ANKRD11: variants seen among roughly 807,000 people sequenced by gnomAD.
ANKRD11 encodes ankyrin repeat domain 11.
ANKRD11 carries 17 observed loss-of-function variants against 195.7 expected under a neutral mutation model. The observed-to-expected ratio is 0.09, with a 90% CI of 0.06 to 0.13. The LOEUF (loss-of-function observed/expected upper bound fraction) is 0.13, where lower values mean the gene tolerates loss of function less well. Among genes scored for constraint, ANKRD11 ranks in the 10% least tolerant of loss-of-function variants. ANKRD11 has a pLI of 1.00. For missense variants in ANKRD11, 3,735 were observed against 3,566.1 expected (o/e 1.05, Z -1.21); for synonymous variants, 1,953 against 1,528.1 (o/e 1.28, Z -6.49).
At chr16:89,476,437 A>G (rs931899541) in intron 1 of ANKRD11, among the ~76,000 whole-genome samples, 6 of 152,198 alleles carry the variant, frequency 3.9e-5, no homozygotes, top group Non-Finnish European at 7.3e-5. Context: ...CTTTGTAACG[A>G]TATCATTTAC....
chr16:89,429,314 G>A (rs1251214140), intron 1 of ANKRD11, among the ~76,000 whole-genome samples: 2 of 58,650 alleles, frequency 3.4e-5, no homozygotes, highest in African/African-American at 6.0e-5. Context: ...CAACTCTCGC[G>A]CTCAGACGTT....
intron 2 of ANKRD11, among the ~76,000 whole-genome samples, chr16:89,321,625 C>G (rs1052142580): frequency 1.3e-5 from 2 of 152,034 alleles, no homozygotes; most frequent in Non-Finnish European, 2.9e-5. Flanking sequence ...TAAGCATGTT[C>G]TGTTCTGCAC....
chr16:89,357,878 C>T (rs2039558625), intron 2 of ANKRD11, among the ~76,000 whole-genome samples: 1 of 152,224 alleles, frequency 6.6e-6, no homozygotes, highest in African/African-American at 2.4e-5. Context: ...TTTCTGGGGA[C>T]ACCTTTCCTT....
chr16:89,363,260 T>C (rs560971898), intron 2 of ANKRD11, among the ~76,000 whole-genome samples: 1 of 152,206 alleles, frequency 6.6e-6, no homozygotes, highest in Non-Finnish European at 1.5e-5. Flanking sequence ...CTCTGCCTTC[T>C]GAAGCAGTCT....
chr16:89,462,920 G>A (rs545743899), intron 1 of ANKRD11, among the ~76,000 whole-genome samples: 9 of 151,774 alleles, frequency 5.9e-5, no homozygotes, highest in Admixed American at 1.3e-4. Flanking sequence ...CCCCCGCCCA[G>A]CTGCCCCGTC....
intron 1 of ANKRD11, among the ~76,000 whole-genome samples, chr16:89,456,239 C>CAA (rs992668402): frequency 7.6e-6 from 1 of 132,148 alleles, no homozygotes; most frequent in African/African-American, 2.8e-5. Context: ...GATTCGGTCC[C>CAA]AAAAAAAAAA....
intron 2 of ANKRD11, among the ~76,000 whole-genome samples, chr16:89,417,320 A>G (rs2042349257): frequency 6.6e-6 from 1 of 152,228 alleles, no homozygotes; most frequent in African/African-American, 2.4e-5. Context: ...TGTTCACTTT[A>G]AAACCATGAC....
rs187774857 is a variant in ANKRD11 at position 89,368,479 on chromosome 16, C to T, written c.-60+49805G>A. Among the ~76,000 whole-genome samples the T allele has an allele frequency of 3.2e-3, 467 of 145,554 alleles. 4 individuals carry two copies. The highest frequency in any genetic ancestry group is 0.011 in the East Asian group (52 of 4,908). On this transcript the variant is annotated intron_variant, in intron 2 of 12. Transcript: ENST00000301030. ...CTCGTGATCCACCTGCCTCGGCCTC[C>T]GAAGTGCTGGGATTACAGGCATGAG...
chr16:89,455,751 T>C (rs1417521236), intron 1 of ANKRD11, among the ~76,000 whole-genome samples: 1 of 152,140 alleles, frequency 6.6e-6, no homozygotes, highest in Non-Finnish European at 1.5e-5. Context: ...TCTCAAAGAA[T>C]TGGGGCTGTA....
At chr16:89,381,935 C>T (rs896107344) in intron 2 of ANKRD11, among the ~76,000 whole-genome samples, 36 of 152,206 alleles carry the variant, frequency 2.4e-4, no homozygotes, top group African/African-American at 7.7e-4. Flanking sequence ...GACCTCTCCA[C>T]GGGGCTCAGA....
At chr16:89,365,232 T>G (rs181439351) in intron 2 of ANKRD11, among the ~76,000 whole-genome samples, 1 of 152,308 alleles carries the variant, frequency 6.6e-6, no homozygotes, top group Non-Finnish European at 1.5e-5. Context: ...CCAGAGCTGG[T>G]TTTTGTAGAA....
At chr16:89,314,145 G>A (rs181263197) in intron 3 of ANKRD11, among the ~76,000 whole-genome samples, 10 of 152,118 alleles carry the variant, frequency 6.6e-5, no homozygotes, top group East Asian at 5.8e-4. Context: ...GACTGCTTGA[G>A]CCTGGGGCAG....
At chr16:89,319,466 C>T (rs1040443076) in intron 2 of ANKRD11, among the ~76,000 whole-genome samples, 5 of 152,242 alleles carry the variant, frequency 3.3e-5, no homozygotes, top group African/African-American at 7.2e-5. Context: ...CCCAGGTGTA[C>T]GCTGTGTTTT....
intron 4 of ANKRD11, chr16:89,300,512 C>A: frequency 4.3e-6 from 1 of 233,596 alleles, no homozygotes; most frequent in Non-Finnish European, 8.3e-6. Context: ...CTCGGGTCCA[C>A]TGCAGCTGAG....
intron 1 of ANKRD11, among the ~76,000 whole-genome samples, chr16:89,435,135 C>T (rs976981144): frequency 1.3e-5 from 2 of 152,128 alleles, no homozygotes; most frequent in African/African-American, 2.4e-5. Flanking sequence ...CATCAATCAG[C>T]GCTGTCTAGC....
Position 89,274,913 on chromosome 16 carries a change from G to A in ANKRD11, c.7614C>T (p.His2538=), listed in dbSNP as rs28603039. The change falls in exon 11 of 13, where the codon CAC becomes CAT. Residue 2538 remains histidine, a synonymous_variant. Transcript: ENST00000301030. ...TGGCGATGGTCCTGGCCGCCCGGCA[G>A]TGAACCCGCAGAATCTCCTGCTCAC... ...VSCEQEILRV[H]CRAARTIANQ... The A allele has an allele frequency of 1.2e-6, 2 of 1,613,614 alleles. No individual in the cohort carries two copies. Among genetic ancestry groups the A allele is most frequent in the Non-Finnish European group, 1.7e-6 (2 of 1,180,016 alleles).
At chr16:89,306,531 G>A (rs2036259418) in intron 3 of ANKRD11, among the ~76,000 whole-genome samples, 2 of 89,862 alleles carry the variant, frequency 2.2e-5, no homozygotes, top group Admixed American at 1.3e-4. Context: ...CTCCCACTCC[G>A]CAGACACGCG....
intron 1 of ANKRD11, among the ~76,000 whole-genome samples, chr16:89,461,429 T>C (rs1291242790): frequency 6.6e-6 from 1 of 152,152 alleles, no homozygotes; most frequent in African/African-American, 2.4e-5. Context: ...GTCAATTTTA[T>C]ACTGCTGGGC....
intron 4 of ANKRD11, chr16:89,298,061 C>T (rs2035567275): frequency 6.6e-6 from 1 of 152,188 alleles, no homozygotes; most frequent in Non-Finnish European, 1.5e-5. Context: ...GGCGGAAGGA[C>T]CAGTTCCACA....
Sources: allele counts gnomAD v4.1 joint callset (sites outside exome capture counted in the v4.1 genomes callset), GRCh38; gene constraint gnomAD v4.1.1; transcripts MANE v1.5; gene names NCBI Gene and HGNC (gene_info 2026-07-23, HGNC 2026-07-21).